The following RPS6KC1 variants were observed in gnomAD, a reference collection of about 807,000 sequenced individuals.
RPS6KC1 encodes the protein inactive ribosomal protein S6 kinase delta-1.
In RPS6KC1, 54 loss-of-function variants were observed where a neutral mutation model predicts 103.8. The ratio of observed to expected loss-of-function variants is 0.52; its 90% CI spans 0.42 to 0.65. RPS6KC1 has a LOEUF of 0.65. Ranked by LOEUF, RPS6KC1 falls within the 30% of genes least tolerant of loss-of-function variation. The pLI is 0.00. For synonymous variants in RPS6KC1, 439 were observed against 438.7 expected, an observed-to-expected ratio of 1.00 and a Z score of -0.01; for missense variants, 1,151 against 1,253.8, an observed-to-expected ratio of 0.92 and a Z score of 1.24.
At chr1:213,724,159 C>G in the RPS6KC1 span, among the ~76,000 whole-genome samples, 1,375 of 152,236 alleles carry the variant, frequency 9.0e-3, 27 homozygotes, top group African/African-American at 0.031. Flanking sequence ...GTGATCTCAG[C>G]TCACTGCAAC....
intron 8 of RPS6KC1, among the ~76,000 whole-genome samples, chr1:213,211,872 G>T (rs2093516205): frequency 6.6e-6 from 1 of 152,140 alleles, no homozygotes; most frequent in African/African-American, 2.4e-5. Context: ...CAAGGATCTG[G>T]CCAAGTGATT....
chr1:213,077,125 C>G (rs1374982760), intron 2 of RPS6KC1, among the ~76,000 whole-genome samples: 1 of 152,234 alleles, frequency 6.6e-6, no homozygotes, highest in Admixed American at 6.5e-5. Flanking sequence ...CTGCCTTGGC[C>G]TCCCAGAGTG....
intron 8 of RPS6KC1, among the ~76,000 whole-genome samples, chr1:213,221,071 A>G (rs1176995743): frequency 6.6e-6 from 1 of 152,220 alleles, no homozygotes; most frequent in Non-Finnish European, 1.5e-5. Flanking sequence ...ATGACTCCAT[A>G]AAAAATACAA....
chr1:213,657,457 A>T, the RPS6KC1 span, among the ~76,000 whole-genome samples: 12 of 152,174 alleles, frequency 7.9e-5, no homozygotes, highest in African/African-American at 2.2e-4. Flanking sequence ...TTAATTATTT[A>T]AAAAAATATT....
chr1:213,436,548 C>CATCA, the RPS6KC1 span, among the ~76,000 whole-genome samples: 2 of 152,112 alleles, frequency 1.3e-5, no homozygotes, highest in Admixed American at 6.5e-5. Flanking sequence ...AGGGAAAAAA[C>CATCA]ATTCTGGGAT....
the RPS6KC1 span, among the ~76,000 whole-genome samples, chr1:213,846,338 A>G: frequency 6.6e-6 from 1 of 152,006 alleles, no homozygotes; most frequent in Admixed American, 6.6e-5. Context: ...GTAGAGCTCA[A>G]CCAGTGTTAA....
chr1:213,667,818 T>C, the RPS6KC1 span, among the ~76,000 whole-genome samples: 2 of 152,230 alleles, frequency 1.3e-5, no homozygotes, highest in Admixed American at 6.5e-5. Context: ...TCTGTCATCA[T>C]TTTAACAATG....
intron 3 of RPS6KC1, among the ~76,000 whole-genome samples, chr1:213,095,302 C>T (rs2081346667): frequency 6.6e-6 from 1 of 152,198 alleles, no homozygotes. Context: ...AGTTAAGAAT[C>T]ATCAGCATTA....
chr1:213,541,215 C>T, the RPS6KC1 span, among the ~76,000 whole-genome samples: 2 of 151,168 alleles, frequency 1.3e-5, no homozygotes, highest in Admixed American at 1.3e-4. Context: ...AGTCAGAAGG[C>T]ACACAACATT....
chr1:213,117,469 A>G (rs1022848713), intron 5 of RPS6KC1, 59 bp downstream of exon 5: 6 of 930,642 alleles, frequency 6.4e-6, no homozygotes, highest in East Asian at 2.5e-5. Context: ...ACTATAAATC[A>G]TATCTGCATT....
chr1:213,403,941 C>T, the RPS6KC1 span, among the ~76,000 whole-genome samples: 1 of 152,144 alleles, frequency 6.6e-6, no homozygotes, highest in African/African-American at 2.4e-5. Context: ...AGTTTGGGTT[C>T]TCGTGAGGCA....
At chr1:213,806,288 C>T in the RPS6KC1 span, among the ~76,000 whole-genome samples, 1 of 152,094 alleles carries the variant, frequency 6.6e-6, no homozygotes, top group Non-Finnish European at 1.5e-5. Flanking sequence ...GCAGAGATCG[C>T]ACCACTGTAC....
the RPS6KC1 span, among the ~76,000 whole-genome samples, chr1:213,410,044 ACT>A: frequency 1.3e-5 from 2 of 152,176 alleles, no homozygotes; most frequent in African/African-American, 4.8e-5. Flanking sequence ...AGTCTTAGCT[ACT>A]TGGGAAGCTA....
the RPS6KC1 span, among the ~76,000 whole-genome samples, chr1:213,438,268 G>C: frequency 2.6e-5 from 4 of 151,978 alleles, no homozygotes; most frequent in African/African-American, 9.7e-5. Context: ...TTTTGAGTCT[G>C]TTTCTATTGT....
intron 10 of RPS6KC1, among the ~76,000 whole-genome samples, chr1:213,240,238 A>C (rs2094320190): frequency 6.6e-6 from 1 of 152,144 alleles, no homozygotes; most frequent in Admixed American, 6.5e-5. Context: ...TCAAAATGGA[A>C]TAATATTGTT....
At chr1:213,854,576 C>CTT in the RPS6KC1 span, among the ~76,000 whole-genome samples, 23 of 138,372 alleles carry the variant, frequency 1.7e-4, no homozygotes, top group East Asian at 4.3e-4. Context: ...CTCTCTCTCT[C>CTT]TCTTTCTTTC....
At chr1:213,615,223 A>G in the RPS6KC1 span, among the ~76,000 whole-genome samples, 281 of 152,216 alleles carry the variant, frequency 1.8e-3, 1 homozygote, top group African/African-American at 6.3e-3. Flanking sequence ...AGCTCCCCCA[A>G]TGGGGTATGG....
At chr1:213,632,833 C>G in the RPS6KC1 span, among the ~76,000 whole-genome samples, 1 of 152,266 alleles carries the variant, frequency 6.6e-6, no homozygotes, top group Admixed American at 6.5e-5. Flanking sequence ...GTAGAATAAA[C>G]AGTGTAGAGA....
At chr1:213,644,357 C>T in the RPS6KC1 span, among the ~76,000 whole-genome samples, 1 of 151,940 alleles carries the variant, frequency 6.6e-6, no homozygotes, top group African/African-American at 2.4e-5. Context: ...ATCAATGAAC[C>T]TACATTGATA....
Sources: gnomAD v4.1 joint callset for allele counts (sites outside exome capture counted in the v4.1 genomes callset) on GRCh38, gnomAD v4.1.1 for gene constraint, MANE v1.5 for transcripts, NCBI Gene and HGNC (gene_info 2026-07-23, HGNC 2026-07-21) for gene names.